Variants in ITGAD observed in about 807,000 individuals in gnomAD.
ITGAD encodes the protein integrin alpha-D.
Under a neutral mutation model 139.0 loss-of-function variants are expected in ITGAD, and 105 were observed. The ratio of observed to expected loss-of-function variants is 0.76; its 90% CI spans 0.65 to 0.89. ITGAD has a LOEUF of 0.89. Among genes scored for constraint, ITGAD ranks in the 40% least tolerant of loss-of-function variants. The probability of loss-of-function intolerance (pLI) is 0.00; values close to 1 mark genes in which losing one functional copy is unlikely to be tolerated. For missense variants in ITGAD, 1,384 were observed against 1,487.3 expected (o/e 0.93, Z 1.14); for synonymous variants, 569 against 598.3 (o/e 0.95, Z 0.71).
intron 28 of ITGAD, 70 bp downstream of exon 28, chr16:31,424,273 TG>T (rs2082067904): frequency 3.2e-6 from 5 of 1,579,676 alleles, no homozygotes; most frequent in South Asian, 1.1e-5. Flanking sequence ...TGGTGCTGGG[TG>T]GGGGGTTTGC....
In ITGAD at chr16:31,412,964, C is replaced by A; in HGVS notation, c.1834C>A (p.Leu612Ile). 1 of 1,605,854 alleles carries A rather than the reference C, an allele frequency of 6.2e-7. No homozygotes were observed. The highest frequency in any genetic ancestry group is 8.5e-7 in the Non-Finnish European group (1 of 1,175,994). Residue 612 changes from leucine to isoleucine, a missense_variant, in exon 15 of 30, where the codon CTC (leucine) becomes ATC (isoleucine). By Grantham distance (5) the Leu-to-Ile change is conservative (BLOSUM62 2). Coordinates refer to ENST00000389202, the MANE Select transcript of ITGAD (RefSeq NM_005353.3). ...GGGGGCCCGGGGCCAGGTGCTCCTG[C>A]TCAGGTAGCGACTCCCCAACATCCT... ...AVGARGQVLL[L>I]RSLPVLKVGV... is the part of the protein sequence containing the mutation.
At chr16:31,400,906 G>A (rs1414424585) in intron 5 of ITGAD, among the ~76,000 whole-genome samples, 1 of 152,122 alleles carries the variant, frequency 6.6e-6, no homozygotes, top group Non-Finnish European at 1.5e-5. Context: ...ACTCCCAACT[G>A]GGAATATTCT....
intron 20 of ITGAD, 33 bp downstream of exon 20, chr16:31,416,679 GC>G (rs2081895676): frequency 2.5e-6 from 4 of 1,580,596 alleles, no homozygotes; most frequent in Non-Finnish European, 3.5e-6. Flanking sequence ...GTGGGAGGGG[GC>G]CTCTCCCCTG....
At chr16:31,414,376 C>T in intron 16 of ITGAD, 75 bp from the exon 17 acceptor site, 2 of 1,513,422 alleles carry the variant, frequency 1.3e-6, no homozygotes, top group Non-Finnish European at 1.8e-6. Context: ...ACATGTATTG[C>T]ATGAACAAAT....
At position 31,397,650 on chromosome 16, in the gene ITGAD, A is replaced by G. The variant is rs201719522; in HGVS notation, c.296A>G (p.Asn99Ser). The G allele has an allele frequency of 2.4e-4, 343 of 1,409,196 alleles. 2 individuals carry two copies. Among genetic ancestry groups the G allele is most frequent in the Admixed American group, 7.7e-4 (40 of 51,788 alleles). 87.3% of individuals were successfully genotyped at this position (1,409,196 alleles called of 1,614,324 possible). ...GGCCTGACCCTGGCAGCCTCCACCA[A>G]CGGCTCCCGGCTCCTGGTGAGTGAG... ...SLGLTLAAST[N>S]GSRLLACGPT... is the part of the protein sequence containing the mutation. Residue 99 changes from asparagine (N) to serine (S), a missense_variant, in exon 4 of 30, where the codon AAC becomes AGC. Transcript: ENST00000389202.
Position 31,414,909 on chromosome 16 carries a change from C to T in ITGAD, c.2201C>T (p.Ser734Leu). 1 of 1,614,152 alleles carries T rather than the reference C, an allele frequency of 6.2e-7. No homozygotes were observed. Among genetic ancestry groups the T allele is most frequent in the Non-Finnish European group, 8.5e-7 (1 of 1,180,012 alleles). ...CCCATCATTCTGCACCTCAACTTCT[C>T]ACTGGTGAGAGAGCCCATCCCCTCC... The part of the protein sequence containing the change: ...VSPIILHLNF[S>L]LVREPIPSPQ... Residue 734 changes from serine to leucine, a missense_variant, in exon 18 of 30, where the codon TCA becomes TTA. Ser to Leu is a moderately radical substitution (Grantham distance 145). Transcript: ENST00000389202.
chr16:31,397,579 C>T lies in ITGAD; in HGVS notation c.242-17C>T, dbSNP rs199843774. On this transcript the variant is annotated splice_polypyrimidine_tract_variant and intron_variant, in intron 3 of 29. Transcript: ENST00000389202. ...AGTGTGTGCTGTGAGTGAGACCCCG[C>T]GTGTCTGCCCTTGCAGTCCGCCCTG... The T allele has an allele frequency of 3.7e-4, 599 of 1,606,244 alleles. 3 individuals carry two copies. The East Asian group carries it at 0.012, about 32-fold the overall frequency.
chr16:31,412,496 G>A (rs1213502861), intron 14 of ITGAD, among the ~76,000 whole-genome samples: 1 of 152,172 alleles, frequency 6.6e-6, no homozygotes, highest in Non-Finnish European at 1.5e-5. Flanking sequence ...CTGGCCAGCG[G>A]GTTGCTGGAA....
chr16:31,410,308 C>T (rs148731683), intron 10 of ITGAD, 87 bp from the exon 11 acceptor site: 21 of 1,566,434 alleles, frequency 1.3e-5, no homozygotes, highest in Middle Eastern at 3.4e-4. Context: ...GCCTGGATGG[C>T]GAGTGATGCG....
chr16:31,424,490 C>A lies in ITGAD; in HGVS notation c.3285C>A (p.Asp1095Glu). 2 of 1,613,690 alleles carry A rather than the reference C, an allele frequency of 1.2e-6. No individual in the cohort carries two copies. Among genetic ancestry groups the A allele is most frequent in the South Asian group, 1.1e-5 (1 of 91,050 alleles). Residue 1095 changes from aspartate to glutamate, a missense_variant, in exon 29 of 30, where the codon GAC becomes GAA. Coordinates refer to ENST00000389202, the MANE Select transcript of ITGAD (RefSeq NM_005353.3). ...AGATGGAGATGGTGCTAGAAGAAGA[C>A]GAGGTCTACAATGCCATTCCCATCA... ...RAQMEMVLEE[D>E]EVYNAIPIIM...
At chr16:31,413,315 T>G in intron 16 of ITGAD, 69 bp downstream of exon 16, 1 of 1,528,956 alleles carries the variant, frequency 6.5e-7, no homozygotes, top group African/African-American at 1.4e-5. Flanking sequence ...ATCCTGAGGA[T>G]GGGATGGGCC....
Position 31,403,625 on chromosome 16 carries a change from C to A in ITGAD, c.684C>A (p.Ala228=), listed in dbSNP as rs149260534. ...IVQLKGLTFT[A]TGILTVVTQL... ...AACTGAAAGGCCTGACGTTCACGGC[C>A]ACGGGCATCCTGACAGTGGTGTAAG... The change falls in exon 7 of 30, where the codon GCC becomes GCA. Residue 228 remains alanine (A), a synonymous_variant. Coordinates refer to ENST00000389202, the MANE Select transcript of ITGAD (RefSeq NM_005353.3). The surrounding 1 kb of genome is among the most constrained non-coding windows in gnomAD (Gnocchi z 4.4). 2.4e-4 allele frequency: 391 copies of A among 1,614,142 alleles called. 1 individual carries two copies. The Middle Eastern group carries it at 4.3e-3, about 18-fold the overall frequency.
Position 31,423,600 on chromosome 16 carries a change from TC to T in ITGAD, c.3001del (p.Gln1001SerfsTer6). 1 of 1,614,090 alleles carries T rather than the reference TC, an allele frequency of 6.2e-7. No individual in the cohort carries two copies. The highest frequency in any genetic ancestry group is 8.5e-7 in the Non-Finnish European group (1 of 1,180,016). ...TCCCCTGTGTTTCAGAGAGAAAACC[TC>T]CCCAGCATTCTGACTTCCTGACCCA... ...SLPCVSERKP[P>X]QHSDFLTQIS... On this transcript the variant is annotated frameshift_variant, in exon 26 of 30. Coordinates refer to ENST00000389202, the MANE Select transcript of ITGAD (RefSeq NM_005353.3). LOFTEE classifies it high-confidence loss of function.
intron 14 of ITGAD, 134 bp downstream of exon 14, chr16:31,411,651 C>A: frequency 1.2e-6 from 1 of 828,608 alleles, no homozygotes; most frequent in Non-Finnish European, 1.9e-6. Context: ...CGTCATCTCT[C>A]TTCTCTCCTT....
At chr16:31,394,768 C>T (rs964479538) in intron 2 of ITGAD, among the ~76,000 whole-genome samples, 2 of 152,232 alleles carry the variant, frequency 1.3e-5, no homozygotes, top group Non-Finnish European at 2.9e-5. Context: ...AACTCTCGGG[C>T]ACAAGTGATC....
chr16:31,396,694 A>G (rs745792646), intron 2 of ITGAD, among the ~76,000 whole-genome samples: 2 of 152,202 alleles, frequency 1.3e-5, no homozygotes, highest in Admixed American at 6.5e-5. Flanking sequence ...GCGCATTAAA[A>G]TACACCAGTA....
In ITGAD at chr16:31,424,659, A is replaced by C. The variant is rs148294729; in HGVS notation, c.3372+82A>C. ...ACTGCCCAGGCTGGAGTGCAATGGC[A>C]TGATCTTGGCTCACTGCAACCTCCA... On this transcript the variant is annotated intron_variant, in intron 29 of 29. Transcript: ENST00000389202. The C allele has an allele frequency of 1.7e-3, 1,556 of 922,064 alleles. 22 individuals are homozygous for C. The African/African-American group carries it at 0.024, about 14-fold the overall frequency. The allele number at this position is 922,064 out of a possible 1,614,324, so 57.1% of individuals were successfully genotyped here. A position where few individuals can be genotyped will look rare whatever the true frequency, so the allele number is the denominator to read the frequency against.
At position 31,402,325 on chromosome 16, in the gene ITGAD, G is replaced by A. The variant is rs945680275; in HGVS notation, c.558+80G>A. ...GGGAGGCATCCCGGGAGGGGTGGGG[G>A]CAGGCCAGTGAGCCGTGTGTGATGG... On this transcript the variant is annotated intron_variant, in intron 6 of 29. Transcript: ENST00000389202. 3.5e-5 allele frequency: 43 copies of A among 1,223,326 alleles called. No homozygotes were observed. In the Admixed American group the frequency reaches 4.0e-4, roughly 11 times the overall value. The allele number at this position is 1,223,326 out of a possible 1,614,324, so 75.8% of individuals were successfully genotyped here. A position where few individuals can be genotyped will look rare whatever the true frequency, so the allele number is the denominator to read the frequency against.
At chr16:31,413,878 G>T (rs959099016) in intron 16 of ITGAD, among the ~76,000 whole-genome samples, 3 of 152,168 alleles carry the variant, frequency 2.0e-5, no homozygotes, top group Non-Finnish European at 4.4e-5. Context: ...ATCCGGGATG[G>T]CAGCCTGGCC....
Sources: gnomAD v4.1 joint callset for allele counts (sites outside exome capture counted in the v4.1 genomes callset) on GRCh38, gnomAD v4.1.1 for gene constraint, Gnocchi (gnomAD v3.1) non-coding constraint, MANE v1.5 for transcripts, NCBI Gene and HGNC (gene_info 2026-07-23, HGNC 2026-07-21) for gene names.